The following LRRC40 variants were observed in gnomAD, a reference collection of about 807,000 sequenced individuals.
LRRC40 encodes the protein leucine rich repeat containing 40.
A neutral mutation model predicts 72.8 loss-of-function variants in LRRC40; 76 were observed. That is an observed-to-expected ratio of 1.04 (90% CI 0.87 to 1.26). The LOEUF (loss-of-function observed/expected upper bound fraction) is 1.26, where lower values mean the gene tolerates loss of function less well. LRRC40 is among the 50% of genes most tolerant of loss of function. The pLI, the probability that LRRC40 is intolerant of heterozygous loss-of-function variation, is 0.00. For missense variants in LRRC40, 684 were observed against 698.9 expected (o/e 0.98, Z 0.24); for synonymous variants, 243 against 254.2 (o/e 0.96, Z 0.42).
chr1:70,174,277 T>A (rs539204157), intron 7 of LRRC40, among the ~76,000 whole-genome samples: 2 of 152,164 alleles, frequency 1.3e-5, no homozygotes, highest in African/African-American at 4.8e-5. Flanking sequence ...ATTCTTGTTC[T>A]CAAGTCCTCA....
intron 1 of LRRC40, among the ~76,000 whole-genome samples, chr1:70,195,733 A>C (rs1668594139): frequency 6.6e-6 from 1 of 152,166 alleles, no homozygotes; most frequent in African/African-American, 2.4e-5. Flanking sequence ...TCCCGGGTTC[A>C]AGGGATTCTC....
chr1:70,203,394 A>AGTT, intron 1 of LRRC40, among the ~76,000 whole-genome samples: 1 of 152,186 alleles, frequency 6.6e-6, no homozygotes, highest in South Asian at 2.1e-4. Context: ...GTGTGAGGGT[A>AGTT]GTTGTTGTTG....
At chr1:70,179,133 A>T (rs1668185775) in intron 5 of LRRC40, 140 bp from the exon 6 acceptor site, 13 of 421,900 alleles carry the variant, frequency 3.1e-5, no homozygotes, top group Non-Finnish European at 5.6e-5. Flanking sequence ...TTCAAACACC[A>T]CTGAATTAAA....
intron 5 of LRRC40, 28 bp downstream of exon 5, chr1:70,181,058 T>A: frequency 7.1e-7 from 1 of 1,411,440 alleles, no homozygotes. Context: ...TTCAAATTTA[T>A]GTATTATGTA....
In LRRC40 at chr1:70,173,553, C is replaced by T. The variant is rs759902647; in HGVS notation, c.1066-43G>A. 10 of 1,523,708 alleles carry T rather than the reference C, an allele frequency of 6.6e-6. No individual in the cohort carries two copies. The African/African-American group carries it at 6.9e-5, about 10-fold the overall frequency. 94.4% of individuals were successfully genotyped at this position (1,523,708 alleles called of 1,614,324 possible). A position where few individuals can be genotyped will look rare whatever the true frequency, so the allele number is the denominator to read the frequency against. On this transcript the variant is annotated intron_variant, in intron 8 of 14. Transcript: ENST00000370952. ...AAGACATTCACCAAGACATGCTTTG[C>T]AGTTTTACAGATCAACATATATGTC...
At chr1:70,195,822 G>C (rs1315425073) in intron 1 of LRRC40, among the ~76,000 whole-genome samples, 1 of 152,098 alleles carries the variant, frequency 6.6e-6, no homozygotes, top group Non-Finnish European at 1.5e-5. Context: ...TTTTAGTAGA[G>C]GCGGGGTTTC....
intron 4 of LRRC40, among the ~76,000 whole-genome samples, chr1:70,183,507 T>C (rs549213393): frequency 2.8e-4 from 42 of 152,196 alleles, no homozygotes; most frequent in African/African-American, 9.9e-4. Flanking sequence ...CAAATTTTCT[T>C]TTCTCTGTCT....
chr1:70,194,553 C>G (rs1668567965), intron 1 of LRRC40, among the ~76,000 whole-genome samples: 1 of 152,040 alleles, frequency 6.6e-6, no homozygotes, highest in South Asian at 2.1e-4. Flanking sequence ...TCCCAGAAAG[C>G]TTTTCTGTAG....
chr1:70,173,416 C>T (rs773209916), intron 9 of LRRC40, 49 bp downstream of exon 9: 5 of 1,329,832 alleles, frequency 3.8e-6, no homozygotes, highest in East Asian at 2.3e-5. Context: ...ATTAATTCTT[C>T]ACCACTTTTT....
intron 4 of LRRC40, among the ~76,000 whole-genome samples, chr1:70,182,533 C>CA (rs928909744): frequency 2.0e-5 from 3 of 151,874 alleles, no homozygotes; most frequent in South Asian, 2.1e-4. Flanking sequence ...AAGTTACTAA[C>CA]AAAAAACTTA....
In LRRC40 at chr1:70,148,478, TGTA is replaced by T. The variant is rs762186365; in HGVS notation, c.1703+6_1703+8del. 10 of 1,597,724 alleles carry T rather than the reference TGTA, an allele frequency of 6.3e-6. No individual in the cohort carries two copies. In the Admixed American group the frequency reaches 1.0e-4, roughly 16 times the overall value. ...TAAATGAAACAATGCAGTAGAATGG[TGTA>T]GTTACCTTAAGTTTACACAATTACC... is the stretch of plus-strand genomic sequence containing the variant. On this transcript the variant is annotated splice_donor_region_variant and intron_variant, in intron 14 of 14. Coordinates refer to ENST00000370952, the MANE Select transcript of LRRC40 (RefSeq NM_017768.5).
Position 70,184,868 on chromosome 1 carries a change from T to G in LRRC40, c.454A>C (p.Asn152His). 11 of 1,610,762 alleles carry G rather than the reference T, an allele frequency of 6.8e-6. No homozygotes were observed. The highest frequency in any genetic ancestry group is 9.3e-6 in the Non-Finnish European group (11 of 1,177,294). The change falls in exon 4 of 15, where the codon AAC (asparagine) becomes CAC (histidine). Residue 152 changes from asparagine to histidine, a missense_variant. Transcript: ENST00000370952. ...ILPEEITNLR[N>H]LKCLYLQHNE... ...TGCTGGAGATACAGGCACTTCAGGT[T>G]TCTTAGGTTTGTAATTTCTTCAGGG... is the stretch of plus-strand genomic sequence containing the variant.
intron 9 of LRRC40, among the ~76,000 whole-genome samples, chr1:70,166,395 C>T (rs938357319): frequency 1.3e-5 from 2 of 152,130 alleles, no homozygotes; most frequent in African/African-American, 2.4e-5. Context: ...CATGGTGACT[C>T]ATGCCTGTAA....
At chr1:70,197,836 T>C (rs1668650084) in intron 1 of LRRC40, among the ~76,000 whole-genome samples, 1 of 152,074 alleles carries the variant, frequency 6.6e-6, no homozygotes, top group South Asian at 2.1e-4. Context: ...TCCCAGCACT[T>C]TGAGAGGTCA....
chr1:70,173,628 A>T lies in LRRC40; in HGVS notation c.1059T>A (p.Ile353=). 1.3e-6 allele frequency: 2 copies of T among 1,562,212 alleles called. No homozygotes were observed. The highest frequency in any genetic ancestry group is 1.7e-6 in the Non-Finnish European group (2 of 1,144,246). ...GNPLRTIRRE[I]ISKGTQEVLK... ...GAATTCCAAATATACTTACACTTAT[A>T]ATTTCTCTTCGAATTGTTCTCAAAG... The change falls in exon 8 of 15, where the codon ATT becomes ATA. Residue 353 remains isoleucine (I), a synonymous_variant. Transcript: ENST00000370952.
chr1:70,170,454 T>G (rs1314461397), intron 9 of LRRC40, among the ~76,000 whole-genome samples: 2 of 152,140 alleles, frequency 1.3e-5, no homozygotes, highest in Admixed American at 1.3e-4. Flanking sequence ...CTATCTCTAT[T>G]TGCAAACAAC....
chr1:70,205,255 G>A lies in LRRC40; in HGVS notation c.151+135C>T. The A allele has an allele frequency of 3.7e-6, 3 of 806,946 alleles. No homozygotes were observed. In the African/African-American group the frequency reaches 5.1e-5, roughly 14 times the overall value. The allele number at this position is 806,946 out of a possible 1,614,324, so 50.0% of individuals were successfully genotyped here. A position where few individuals can be genotyped will look rare whatever the true frequency, so the allele number is the denominator to read the frequency against. On this transcript the variant is annotated intron_variant, in intron 1 of 14. Transcript: ENST00000370952. Reference sequence around the variant, plus strand: ...CCAAACCGGTCGAAATGAGCACAGGGATTAGATTAGAGCACAGAAATTCTG... The same window carrying A: ...CCAAACCGGTCGAAATGAGCACAGGAATTAGATTAGAGCACAGAAATTCTG...
chr1:70,159,735 T>C (rs112896821), intron 9 of LRRC40, among the ~76,000 whole-genome samples: 3 of 152,228 alleles, frequency 2.0e-5, no homozygotes, highest in African/African-American at 7.2e-5. Context: ...AAGAAACAAA[T>C]AACAAGTAAT....
chr1:70,152,510 G>C lies in LRRC40; in HGVS notation c.1362C>G (p.Val454=). 1 of 1,605,104 alleles carries C rather than the reference G, an allele frequency of 6.2e-7. No individual in the cohort carries two copies. ...AGGAAAGTTTATTAAAACTGAGATCGACATCAGAAACCATTTCCTTCAGTT... is the reference window on the plus strand; with the variant it reads ...AGGAAAGTTTATTAAAACTGAGATCCACATCAGAAACCATTTCCTTCAGTT... ...MVELKEMVSD[V]DLSFNKLSFI... Residue 454 remains valine, a synonymous_variant, in exon 12 of 15, where the codon GTC becomes GTG. Transcript: ENST00000370952.
Sources: gnomAD v4.1 joint callset for allele counts (sites outside exome capture counted in the v4.1 genomes callset) on GRCh38, gnomAD v4.1.1 for gene constraint, MANE v1.5 for transcripts, NCBI Gene and HGNC (gene_info 2026-07-23, HGNC 2026-07-21) for gene names.